The following ZNF280D variants were observed in gnomAD, a reference collection of about 807,000 sequenced individuals.
ZNF280D encodes zinc finger protein 280D, also known as suppressor of hairy wing homolog 4.
A neutral mutation model predicts 94.7 loss-of-function variants in ZNF280D; 39 were observed. The ratio of observed to expected loss-of-function variants is 0.41; its 90% CI spans 0.32 to 0.54. ZNF280D has a LOEUF of 0.54. ZNF280D is among the 20% of genes least tolerant of loss of function. The pLI is 0.22. For synonymous variants in ZNF280D, 398 were observed against 377.6 expected (o/e 1.05, Z -0.63); for missense variants, 1,090 against 1,149.3 (o/e 0.95, Z 0.75).
chr15:56,653,979 A>G, intron 19 of ZNF280D: 2 of 1,412,308 alleles, frequency 1.4e-6, no homozygotes, highest in Non-Finnish European at 1.8e-6. Context: ...TTGTGTAAGA[A>G]AACATCTCAG....
In ZNF280D at chr15:56,696,744, C is replaced by T. The variant is rs532360057; in HGVS notation, c.382-3529G>A. ...AATTCATTCCAGAATACTCCTCTGT[C>T]ATTCTTAACTTTGACTGCACAGTAG... is the stretch of plus-strand genomic sequence containing the variant. On this transcript the variant is annotated intron_variant, in intron 6 of 21. Coordinates refer to ENST00000267807, the MANE Select transcript of ZNF280D (RefSeq NM_017661.4). Among the ~76,000 whole-genome samples, 4 of 152,342 alleles carry T rather than the reference C, an allele frequency of 2.6e-5. No homozygotes were observed. In the East Asian group the frequency reaches 7.7e-4, roughly 29 times the overall value.
Position 56,703,587 on chromosome 15 carries a change from C to T in ZNF280D, c.175+534G>A, listed in dbSNP as rs530192159. On this transcript the variant is annotated intron_variant, in intron 4 of 21. Transcript: ENST00000267807. ...TGTTACTTAAGGCTAGGTGCAGTGA[C>T]TCACACCTGTAATTTTAGCACTTGG... is the stretch of plus-strand genomic sequence containing the variant. Among the ~76,000 whole-genome samples, 4 of 152,284 alleles carry T rather than the reference C, an allele frequency of 2.6e-5. No homozygotes were observed. In the South Asian group the frequency reaches 8.3e-4, roughly 32 times the overall value.
chr15:56,664,858 A>T (rs2140835767), intron 16 of ZNF280D, among the ~76,000 whole-genome samples: 1 of 152,282 alleles, frequency 6.6e-6, no homozygotes, highest in East Asian at 1.9e-4. Context: ...AAAGATGTAA[A>T]GGATTCTAGG....
chr15:56,631,317 C>T lies in ZNF280D; in HGVS notation c.*181G>A, dbSNP rs564143940. ...AAACTTTTTGGGAATCCCTACTAATCATGCTATTATTGGTGAATTGATTTG... is the reference window on the plus strand; with the variant it reads ...AAACTTTTTGGGAATCCCTACTAATTATGCTATTATTGGTGAATTGATTTG... On this transcript the variant is annotated 3_prime_UTR_variant, in exon 22 of 22. Coordinates refer to ENST00000267807, the MANE Select transcript of ZNF280D (RefSeq NM_017661.4). 14 of 606,822 alleles carry T rather than the reference C, an allele frequency of 2.3e-5. No individual in the cohort carries two copies. In the African/African-American group the frequency reaches 2.6e-4, roughly 11 times the overall value. 37.6% of individuals were successfully genotyped at this position (606,822 alleles called of 1,614,324 possible). A position where few individuals can be genotyped will look rare whatever the true frequency, so the allele number is the denominator to read the frequency against.
intron 6 of ZNF280D, among the ~76,000 whole-genome samples, chr15:56,694,047 T>G (rs12912666): frequency 0.55 from 83,214 of 151,752 alleles, 23,266 homozygotes; most frequent in East Asian, 0.68. Flanking sequence ...GTCCTGCTCC[T>G]GGAGGCCTCG....
Position 56,710,293 on chromosome 15 carries a change from A to G in ZNF280D, c.-85-2987T>C, listed in dbSNP as rs568918418. Among the ~76,000 whole-genome samples the G allele has an allele frequency of 2.0e-5, 3 of 152,328 alleles. No homozygotes were observed. In the East Asian group the frequency reaches 5.8e-4, roughly 29 times the overall value. ...GTGGCACACGCCTGTAGTCCCAGCTACTTGGGAAGCTGAGGCAGGAGAATC... is the reference window on the plus strand; with the variant it reads ...GTGGCACACGCCTGTAGTCCCAGCTGCTTGGGAAGCTGAGGCAGGAGAATC... On this transcript the variant is annotated intron_variant, in intron 1 of 21. Transcript: ENST00000267807.
intron 4 of ZNF280D, among the ~76,000 whole-genome samples, chr15:56,703,141 T>C (rs78408595): frequency 0.11 from 16,070 of 152,270 alleles, 1,098 homozygotes; most frequent in Middle Eastern, 0.19. Flanking sequence ...TGCACGTTAA[T>C]ATTATAACAA....
At chr15:56,665,903 A>C (rs2054257344) in intron 16 of ZNF280D, among the ~76,000 whole-genome samples, 1 of 152,166 alleles carries the variant, frequency 6.6e-6, no homozygotes, top group South Asian at 2.1e-4. Flanking sequence ...TGGGAGGCCA[A>C]GGCGGGCAGA....
chr15:56,655,026 A>G lies in ZNF280D; in HGVS notation c.2058-523T>C, dbSNP rs147786419. On this transcript the variant is annotated intron_variant, in intron 17 of 21. Transcript: ENST00000267807. ...GAGATAAAATCAGAAGAAAAATGGG[A>G]AGGCTTTAAAAACAGATCACGTTTT... Among the ~76,000 whole-genome samples the G allele has an allele frequency of 3.6e-3, 555 of 152,322 alleles. 2 individuals are homozygous for G. Among genetic ancestry groups the G allele is most frequent in the Non-Finnish European group, 6.4e-3 (435 of 68,014 alleles).
chr15:56,656,601 T>C (rs2053569611), intron 17 of ZNF280D, among the ~76,000 whole-genome samples: 5 of 152,202 alleles, frequency 3.3e-5, no homozygotes, highest in Admixed American at 3.3e-4. Flanking sequence ...TTTTAAAAAT[T>C]GAATGATATT....
chr15:56,677,477 C>A (rs1596467146), intron 12 of ZNF280D, 97 bp downstream of exon 12: 2 of 775,606 alleles, frequency 2.6e-6, no homozygotes, highest in East Asian at 2.9e-5. Context: ...CCAAGTTATG[C>A]ATAAGTTTGC....
intron 1 of ZNF280D, among the ~76,000 whole-genome samples, chr15:56,708,718 T>C (rs2057569555): frequency 6.6e-6 from 1 of 152,140 alleles, no homozygotes; most frequent in Admixed American, 6.5e-5. Context: ...TCTATAACCA[T>C]CTGATCTTTG....
chr15:56,681,991 AAAG>A (rs2055649455), intron 10 of ZNF280D, among the ~76,000 whole-genome samples: 1 of 152,086 alleles, frequency 6.6e-6, no homozygotes, highest in Non-Finnish European at 1.5e-5. Context: ...AAAACAGAAA[AAAG>A]AAGTTCATTT....
intron 6 of ZNF280D, among the ~76,000 whole-genome samples, chr15:56,696,731 A>G (rs1455832502): frequency 6.6e-6 from 1 of 152,260 alleles, no homozygotes; most frequent in Non-Finnish European, 1.5e-5. Flanking sequence ...TTCATTCCAG[A>G]ATACTCCTCT....
chr15:56,724,748 G>T (rs549277214), intron 1 of ZNF280D: 2 of 295,410 alleles, frequency 6.8e-6, no homozygotes, highest in South Asian at 6.2e-5. Flanking sequence ...TACAATAAAA[G>T]AAATCAAAGA....
chr15:56,712,567 C>A, intron 1 of ZNF280D, among the ~76,000 whole-genome samples: 1 of 110,758 alleles, frequency 9.0e-6, no homozygotes, highest in Non-Finnish European at 1.6e-5. Context: ...GCACTCCAGC[C>A]TGGGTGACAG....
intron 19 of ZNF280D, among the ~76,000 whole-genome samples, chr15:56,647,537 T>C (rs571528112): frequency 6.1e-4 from 93 of 152,226 alleles, no homozygotes; most frequent in South Asian, 1.9e-3. Context: ...CTTCTATTTA[T>C]TTATTTATTT....
rs148356323 is a variant in ZNF280D at position 56,668,951 on chromosome 15, CT to C, written c.1416del (p.Gly473GlufsTer13). 1 of 1,604,050 alleles carries C rather than the reference CT, an allele frequency of 6.2e-7. No individual in the cohort carries two copies. Among genetic ancestry groups the C allele is most frequent in the Non-Finnish European group, 8.5e-7 (1 of 1,176,758 alleles). ...CTGCATTTTGTACAACGATGTATTC[CT>C]TTTTTCTGTTTAGAAAAAAACAGAA... ...YMHHYMKHQK[K>X]GIHRCTKCRL... On this transcript the variant is annotated frameshift_variant, in exon 14 of 22. Transcript: ENST00000267807. LOFTEE classifies it high-confidence loss of function.
At chr15:56,669,898 ATATAATATATATATAT>A (rs1566959921) in intron 13 of ZNF280D, among the ~76,000 whole-genome samples, 1,018 of 8,832 alleles carry the variant, frequency 0.12, 356 homozygotes, top group Admixed American at 0.56. Context: ...TTATATATAT[ATATAATATATATATAT>A]TATATATATA....
Sources: allele counts gnomAD v4.1 joint callset (sites outside exome capture counted in the v4.1 genomes callset), GRCh38; gene constraint gnomAD v4.1.1; transcripts MANE v1.5; gene names NCBI Gene and HGNC (gene_info 2026-07-23, HGNC 2026-07-21).